LRRTM4: variants seen among roughly 807,000 people sequenced by gnomAD.
LRRTM4 encodes leucine rich repeat transmembrane neuronal 4, also known as leucine-rich repeat transmembrane neuronal protein 4.
In LRRTM4, 25 loss-of-function variants were observed where a neutral mutation model predicts 47.6. That is an observed-to-expected ratio of 0.53 (90% CI 0.38 to 0.73). LRRTM4 has a LOEUF of 0.73. Ranked by LOEUF, LRRTM4 falls within the 30% of genes least tolerant of loss-of-function variation. The pLI is 0.00. For missense variants in LRRTM4, 638 were observed against 713.4 expected (o/e 0.89, Z 1.20); for synonymous variants, 311 against 269.5 (o/e 1.15, Z -1.51).
chr2:77,011,929 G>A (rs1677890849), intron 3 of LRRTM4, among the ~76,000 whole-genome samples: 1 of 151,984 alleles, frequency 6.6e-6, no homozygotes, highest in Non-Finnish European at 1.5e-5. Context: ...GAAGAGAACT[G>A]GTGTAAGGTA....
At chr2:77,112,542 A>G (rs1170141864) in intron 3 of LRRTM4, among the ~76,000 whole-genome samples, 1 of 152,210 alleles carries the variant, frequency 6.6e-6, no homozygotes, top group Non-Finnish European at 1.5e-5. Flanking sequence ...TATTATCCCA[A>G]ACATTTTATT....
At chr2:77,180,917 TACA>T (rs1349334108) in intron 3 of LRRTM4, among the ~76,000 whole-genome samples, 5 of 152,180 alleles carry the variant, frequency 3.3e-5, no homozygotes, top group African/African-American at 1.2e-4. Context: ...AATCTTTCAG[TACA>T]CTTACATATA....
intron 3 of LRRTM4, among the ~76,000 whole-genome samples, chr2:77,447,961 C>T (rs1676117126): frequency 6.6e-6 from 1 of 152,072 alleles, no homozygotes; most frequent in Non-Finnish European, 1.5e-5. Context: ...TTCAATATCT[C>T]CCTTTTTATA....
chr2:76,776,119 G>C (rs945584213), intron 3 of LRRTM4, among the ~76,000 whole-genome samples: 3 of 152,078 alleles, frequency 2.0e-5, no homozygotes, highest in Non-Finnish European at 4.4e-5. Flanking sequence ...AGTATTCCAC[G>C]GTGTATATGT....
chr2:77,217,086 A>T (rs1573090561), intron 3 of LRRTM4, among the ~76,000 whole-genome samples: 1 of 146,938 alleles, frequency 6.8e-6, no homozygotes, highest in Non-Finnish European at 1.5e-5. Context: ...AAAAAAAAAA[A>T]GGGAGGGCAC....
chr2:77,356,144 GT>G (rs970035794), intron 3 of LRRTM4, among the ~76,000 whole-genome samples: 2 of 152,042 alleles, frequency 1.3e-5, no homozygotes, highest in East Asian at 1.9e-4. Flanking sequence ...GGATAAAGTG[GT>G]TTTTTTAAAT....
intron 3 of LRRTM4, among the ~76,000 whole-genome samples, chr2:77,288,954 AC>A (rs1335893594): frequency 1.3e-5 from 2 of 152,014 alleles, no homozygotes; most frequent in Non-Finnish European, 2.9e-5. Flanking sequence ...CAGTTAATGC[AC>A]CTCTCACCTA....
intron 3 of LRRTM4, among the ~76,000 whole-genome samples, chr2:77,035,414 C>T (rs1308149431): frequency 1.3e-5 from 2 of 151,798 alleles, no homozygotes; most frequent in African/African-American, 2.4e-5. Context: ...TCCATCACTA[C>T]GAAGGTCCGT....
intron 3 of LRRTM4, among the ~76,000 whole-genome samples, chr2:77,444,598 A>G (rs1024595738): frequency 2.6e-5 from 4 of 152,048 alleles, no homozygotes; most frequent in African/African-American, 9.7e-5. Flanking sequence ...TGCACTAATC[A>G]TATATCATTG....
At chr2:76,950,531 A>G (rs1366044736) in intron 3 of LRRTM4, among the ~76,000 whole-genome samples, 1 of 151,984 alleles carries the variant, frequency 6.6e-6, no homozygotes, top group Non-Finnish European at 1.5e-5. Flanking sequence ...TGAAAAGTTT[A>G]GGAAAAAATG....
intron 3 of LRRTM4, among the ~76,000 whole-genome samples, chr2:76,993,481 A>G (rs943139947): frequency 6.6e-6 from 1 of 151,996 alleles, no homozygotes; most frequent in African/African-American, 2.4e-5. Context: ...GAAAACATAC[A>G]TTTGGCTTAC....
chr2:76,802,613 A>T (rs1675759093), intron 3 of LRRTM4, among the ~76,000 whole-genome samples: 2 of 152,146 alleles, frequency 1.3e-5, no homozygotes, highest in African/African-American at 2.4e-5. Flanking sequence ...ACAGAATTGT[A>T]CAATTTATAT....
chr2:77,054,237 A>C (rs551981038), intron 3 of LRRTM4, among the ~76,000 whole-genome samples: 1 of 152,196 alleles, frequency 6.6e-6, no homozygotes, highest in African/African-American at 2.4e-5. Context: ...CAAATGTGCA[A>C]ATGTTTAGAA....
At chr2:76,887,670 T>G (rs1486016251) in intron 3 of LRRTM4, among the ~76,000 whole-genome samples, 3 of 132,692 alleles carry the variant, frequency 2.3e-5, no homozygotes, top group Non-Finnish European at 1.6e-5. Flanking sequence ...TGTATTTATA[T>G]ATATATGTGC....
rs35918882 is a variant in LRRTM4, at chr2:76,999,449, C to CAA, written c.1552-250535_1552-250534dup. On this transcript the variant is annotated intron_variant, in intron 3 of 3. Coordinates refer to ENST00000409884, the MANE Select transcript of LRRTM4 (RefSeq NM_001134745.3). ...AAGGAAAACACAAAAGGAAACAAAA[C>CAA]AAAAAAAAAAAGCGTTGGTGAGGAG... Among the ~76,000 whole-genome samples, 811 of 140,548 alleles carry CAA rather than the reference C, an allele frequency of 5.8e-3. 4 individuals carry two copies. The highest frequency in any genetic ancestry group is 9.6e-3 in the Non-Finnish European group (599 of 62,626). 92.2% of individuals were successfully genotyped at this position (140,548 alleles called of 152,430 possible).
intron 3 of LRRTM4, among the ~76,000 whole-genome samples, chr2:76,749,388 TTA>T (rs1269483474): frequency 6.6e-6 from 1 of 152,072 alleles, no homozygotes; most frequent in East Asian, 1.9e-4. Context: ...ACACTTTTAT[TTA>T]TATATATAAA....
chr2:77,441,770 T>G (rs1271968309), intron 3 of LRRTM4, among the ~76,000 whole-genome samples: 1 of 152,194 alleles, frequency 6.6e-6, no homozygotes, highest in Non-Finnish European at 1.5e-5. Flanking sequence ...AAGACATAGT[T>G]TTCCTTGCTT....
intron 3 of LRRTM4, among the ~76,000 whole-genome samples, chr2:77,324,935 A>T (rs565359553): frequency 6.6e-6 from 1 of 152,312 alleles, no homozygotes; most frequent in African/African-American, 2.4e-5. Context: ...TAGCTGAATC[A>T]ACAATTATTT....
intron 3 of LRRTM4, among the ~76,000 whole-genome samples, chr2:77,267,420 C>T (rs1217348198): frequency 6.6e-6 from 1 of 152,142 alleles, no homozygotes; most frequent in Non-Finnish European, 1.5e-5. Context: ...ATACTGCATC[C>T]TCTGGAGGAG....
Sources: allele counts gnomAD v4.1 joint callset (sites outside exome capture counted in the v4.1 genomes callset), GRCh38; gene constraint gnomAD v4.1.1; transcripts MANE v1.5; gene names NCBI Gene and HGNC (gene_info 2026-07-23, HGNC 2026-07-21).